Variants in RIMS2 observed in about 807,000 individuals in gnomAD.
RIMS2 encodes regulating synaptic membrane exocytosis protein 2.
Under a neutral mutation model 174.4 loss-of-function variants are expected in RIMS2, and 59 were observed. That is an observed-to-expected ratio of 0.34 (90% CI 0.27 to 0.42). RIMS2 has a LOEUF of 0.42. Among genes scored for constraint, RIMS2 ranks in the 10% least tolerant of loss-of-function variants. The pLI, the probability that RIMS2 is intolerant of heterozygous loss-of-function variation, is 1.00. For missense variants in RIMS2, 1,620 were observed against 1,666.3 expected, an observed-to-expected ratio of 0.97 and a Z score of 0.48; for synonymous variants, 606 against 572.5, an observed-to-expected ratio of 1.06 and a Z score of -0.84.
At chr8:104,228,133 A>G (rs912594583) in intron 19 of RIMS2, among the ~76,000 whole-genome samples, 7 of 149,120 alleles carry the variant, frequency 4.7e-5, no homozygotes, top group African/African-American at 1.7e-4. Context: ...GGTTCACACC[A>G]TTCTCCTGCC....
chr8:103,659,626 T>G (rs978329122), intron 1 of RIMS2, among the ~76,000 whole-genome samples: 1 of 152,136 alleles, frequency 6.6e-6, no homozygotes, highest in African/African-American at 2.4e-5. Context: ...GTTTCATCTG[T>G]TTTCCTAACC....
chr8:103,528,246 T>A (rs1835081229), intron 1 of RIMS2, among the ~76,000 whole-genome samples: 1 of 152,126 alleles, frequency 6.6e-6, no homozygotes, highest in South Asian at 2.1e-4. Context: ...TTGTTTTTTT[T>A]TTTCTTGTAA....
intron 15 of RIMS2, 36 bp downstream of exon 17, chr8:103,961,169 G>T (rs952166038): frequency 1.1e-6 from 1 of 899,082 alleles, no homozygotes; most frequent in South Asian, 1.4e-5. Flanking sequence ...GTATTAAAAA[G>T]GGAGTGCAAT....
chr8:103,676,517 G>C (rs955596648), intron 1 of RIMS2, among the ~76,000 whole-genome samples: 1 of 151,410 alleles, frequency 6.6e-6, no homozygotes, highest in Admixed American at 6.6e-5. Context: ...TAAGCCAAAA[G>C]TTAAGCAGAT....
In RIMS2 at chr8:103,898,675, G is replaced by C. The variant is rs1463941925; in HGVS notation, c.1625-11459G>C. On this transcript the variant is annotated intron_variant, in intron 4 of 23. Transcript: ENST00000504942. ...ACCAGTGGGAGATGGAATTTTCAGA[G>C]GCTTAGGCTTGACTTTCCCCATTAT... Among the ~76,000 whole-genome samples, 4 of 151,464 alleles carry C rather than the reference G, an allele frequency of 2.6e-5. No homozygotes were observed. In the East Asian group the frequency reaches 7.8e-4, roughly 29 times the overall value.
At chr8:103,526,491 G>C (rs1326308233) in intron 1 of RIMS2, among the ~76,000 whole-genome samples, 1 of 152,090 alleles carries the variant, frequency 6.6e-6, no homozygotes, top group Non-Finnish European at 1.5e-5. Context: ...ATAGACCATA[G>C]TAATAGACCA....
chr8:104,135,571 A>G lies in RIMS2; in HGVS notation c.3335-109345A>G, dbSNP rs1481065773. Among the ~76,000 whole-genome samples the G allele has an allele frequency of 5.7e-5, 8 of 141,110 alleles. No homozygotes were observed. In the Admixed American group the frequency reaches 6.4e-4, roughly 11 times the overall value. 92.6% of individuals were successfully genotyped at this position (141,110 alleles called of 152,430 possible). ...CAATGAGTTGTGATCACGCCAGTGC[A>G]CTCCAGCCTGGGTGCCAGAGTGAGA... is the stretch of plus-strand genomic sequence containing the variant. On this transcript the variant is annotated intron_variant, in intron 19 of 23. Transcript: ENST00000504942.
intron 1 of RIMS2, among the ~76,000 whole-genome samples, chr8:103,528,655 G>T (rs190972363): frequency 0.031 from 4,759 of 152,078 alleles, 221 homozygotes; most frequent in African/African-American, 0.11. Flanking sequence ...GGGAATCCTT[G>T]CCCCATTTCT....
chr8:103,647,929 A>T, intron 1 of RIMS2, among the ~76,000 whole-genome samples: 3 of 132,584 alleles, frequency 2.3e-5, no homozygotes, highest in African/African-American at 5.8e-5. Context: ...TATCACCTTC[A>T]GTTCAGTTTT....
At chr8:103,623,836 A>C (rs1365899908) in intron 1 of RIMS2, among the ~76,000 whole-genome samples, 1 of 151,882 alleles carries the variant, frequency 6.6e-6, no homozygotes, top group Non-Finnish European at 1.5e-5. Flanking sequence ...GTCATCAAGT[A>C]TCAAGTTCAG....
At chr8:104,133,761 G>A (rs369656180) in intron 19 of RIMS2, among the ~76,000 whole-genome samples, 1 of 152,134 alleles carries the variant, frequency 6.6e-6, no homozygotes, top group East Asian at 1.9e-4. Context: ...AAGACTTAGT[G>A]ATAGATTAGG....
At chr8:103,611,772 G>C (rs1167641657) in intron 1 of RIMS2, among the ~76,000 whole-genome samples, 1 of 151,752 alleles carries the variant, frequency 6.6e-6, no homozygotes, top group Non-Finnish European at 1.5e-5. Flanking sequence ...GGTTAAATCT[G>C]CTTGGTGTTC....
chr8:103,619,936 G>C (rs569305916), intron 1 of RIMS2, among the ~76,000 whole-genome samples: 1 of 152,210 alleles, frequency 6.6e-6, no homozygotes, highest in East Asian at 1.9e-4. Flanking sequence ...ATAATTTTCT[G>C]TATGATGCCA....
chr8:104,183,946 T>C (rs2098954492), intron 19 of RIMS2, among the ~76,000 whole-genome samples: 1 of 151,642 alleles, frequency 6.6e-6, no homozygotes, highest in African/African-American at 2.4e-5. Context: ...TAACACTTAA[T>C]AGCAGCTTTA....
chr8:103,987,993 T>C (rs916693157), intron 16 of RIMS2, among the ~76,000 whole-genome samples: 1 of 152,196 alleles, frequency 6.6e-6, no homozygotes, highest in African/African-American at 2.4e-5. Flanking sequence ...CAATTTTCCA[T>C]AAATTAATTT....
At chr8:103,977,443 A>G (rs2093546155) in intron 16 of RIMS2, 1 of 152,318 alleles carries the variant, frequency 6.6e-6, no homozygotes, top group East Asian at 1.9e-4. Context: ...CTCTAGGAAA[A>G]TAAAAGAATA....
chr8:103,837,065 C>G (rs1043516369), intron 3 of RIMS2, among the ~76,000 whole-genome samples: 1 of 152,182 alleles, frequency 6.6e-6, no homozygotes, highest in African/African-American at 2.4e-5. Flanking sequence ...TGCAAATACA[C>G]TATATGTTAG....
At chr8:104,042,647 G>T (rs931615063) in intron 19 of RIMS2, among the ~76,000 whole-genome samples, 10 of 151,578 alleles carry the variant, frequency 6.6e-5, no homozygotes, top group African/African-American at 2.4e-4. Flanking sequence ...ATGTTTGATG[G>T]TACATTTTAT....
intron 3 of RIMS2, among the ~76,000 whole-genome samples, chr8:103,869,930 A>G (rs923044788): frequency 3.9e-5 from 6 of 152,106 alleles, no homozygotes; most frequent in African/African-American, 1.4e-4. Flanking sequence ...ATGTTTGGTT[A>G]TTTTTGGTTG....
Sources: gnomAD v4.1 joint callset for allele counts (sites outside exome capture counted in the v4.1 genomes callset) on GRCh38, gnomAD v4.1.1 for gene constraint, MANE v1.5 for transcripts, NCBI Gene and HGNC (gene_info 2026-07-23, HGNC 2026-07-21) for gene names.